The following SMIM7 variants were observed in gnomAD, a reference collection of about 807,000 sequenced individuals.
The protein encoded by SMIM7 is small integral membrane protein 7.
In SMIM7, 12 loss-of-function variants were observed where a neutral mutation model predicts 13.3. The ratio of observed to expected loss-of-function variants is 0.90; its 90% CI spans 0.58 to 1.46. The LOEUF (loss-of-function observed/expected upper bound fraction) is 1.46, where lower values mean the gene tolerates loss of function less well. Among genes scored for constraint, SMIM7 ranks in the 40% most tolerant of loss-of-function variants. The pLI is 0.00. For synonymous variants in SMIM7, 36 were observed against 35.8 expected, an observed-to-expected ratio of 1.01 and a Z score of -0.02; for missense variants, 114 against 94.8, an observed-to-expected ratio of 1.20 and a Z score of -0.84.
intron 4 of SMIM7, among the ~76,000 whole-genome samples, chr19:16,631,973 G>A (rs777671012): frequency 5.3e-5 from 8 of 151,608 alleles, no homozygotes; most frequent in African/African-American, 1.5e-4. Context: ...AGGTTCAAGC[G>A]ATTCTCCTGC....
At chr19:16,659,899 T>C (rs968515300) in intron 2 of SMIM7, 60 bp downstream of exon 2, 59 of 1,558,786 alleles carry the variant, frequency 3.8e-5, no homozygotes, top group Non-Finnish European at 4.5e-5. Flanking sequence ...AGATCACGCT[T>C]ATGAGGGCGG....
intron 3 of SMIM7, among the ~76,000 whole-genome samples, chr19:16,658,026 C>A (rs1359953947): frequency 6.6e-6 from 1 of 152,190 alleles, no homozygotes; most frequent in Non-Finnish European, 1.5e-5. Flanking sequence ...CAGAGCAAGA[C>A]CCTGTCTCTA....
At chr19:16,631,604 G>A (rs1016114227) in exon 5 of SMIM7, 8 of 152,184 alleles carry the variant, frequency 5.3e-5, no homozygotes, top group African/African-American at 1.7e-4. Flanking sequence ...GAGCACTGCA[G>A]AGGAAGCCGT....
chr19:16,635,731 A>T (rs2086353874), intron 4 of SMIM7, among the ~76,000 whole-genome samples: 1 of 151,238 alleles, frequency 6.6e-6, no homozygotes, highest in African/African-American at 2.4e-5. Context: ...GAACGACAAA[A>T]AATTTAGCTG....
chr19:16,641,158 C>T (rs1340998503), downstream of SMIM7: 1 of 152,240 alleles, frequency 6.6e-6, no homozygotes, highest in Non-Finnish European at 1.5e-5. Flanking sequence ...TGGTAAGAGG[C>T]CAAACAGGTG....
At chr19:16,647,680 T>C in intron 4 of SMIM7, among the ~76,000 whole-genome samples, 1 of 151,960 alleles carries the variant, frequency 6.6e-6, no homozygotes, top group Middle Eastern at 3.2e-3. Context: ...GGTTTCGAAC[T>C]CCTGACCTCA....
At chr19:16,644,118 GTTTTTTTTTT>G (rs557600997), downstream of SMIM7, among the ~76,000 whole-genome samples, 5 of 85,430 alleles carry the variant, frequency 5.9e-5, no homozygotes, top group South Asian at 4.0e-4. Context: ...AATTGTTTGC[GTTTTTTTTTT>G]TTTTTTTTTT....
rs545000278 is a variant in SMIM7, at chr19:16,650,546, C to T, written c.213-3285G>A. Among the ~76,000 whole-genome samples the T allele has an allele frequency of 3.9e-5, 6 of 152,098 alleles. No homozygotes were observed. In the South Asian group the frequency reaches 6.2e-4, roughly 16 times the overall value. ...TCAACAGGATGAAATCTCATCTCTA[C>T]CAAAAATAGAAAAATTAGCCAAGTG... On this transcript the variant is annotated intron_variant, in intron 4 of 4. Coordinates refer to ENST00000487416, the MANE Select transcript of SMIM7 (RefSeq NM_024104.4).
At chr19:16,649,070 G>C (rs1157315259) in intron 4 of SMIM7, among the ~76,000 whole-genome samples, 3 of 152,110 alleles carry the variant, frequency 2.0e-5, no homozygotes, top group African/African-American at 7.2e-5. Flanking sequence ...ACAGTCAAAA[G>C]ATTAACGGTA....
At position 16,659,453 on chromosome 19, in the gene SMIM7, A is replaced by T; in HGVS notation, c.69-6T>A. On this transcript the variant is annotated splice_region_variant and splice_polypyrimidine_tract_variant and intron_variant, in intron 2 of 4. Coordinates refer to ENST00000487416, the MANE Select transcript of SMIM7 (RefSeq NM_024104.4). The stretch of plus-strand genomic sequence containing the variant: ...CCTGCGTGTCCTTCTTTTTCCTACA[A>T]AGAGGAGCAGACAGTGTCCACTTTC... 1 of 1,612,494 alleles carries T rather than the reference A, an allele frequency of 6.2e-7. No homozygotes were observed. The highest frequency in any genetic ancestry group is 8.5e-7 in the Non-Finnish European group (1 of 1,179,470).
intron 4 of SMIM7, among the ~76,000 whole-genome samples, chr19:16,649,696 TTCA>T (rs1439797438): frequency 2.0e-5 from 3 of 152,160 alleles, no homozygotes; most frequent in Non-Finnish European, 4.4e-5. Context: ...TGTCACCACT[TTCA>T]TAATAGCTAA....
At chr19:16,633,099 G>A (rs1238361549) in intron 4 of SMIM7, among the ~76,000 whole-genome samples, 1 of 152,152 alleles carries the variant, frequency 6.6e-6, no homozygotes, top group African/African-American at 2.4e-5. Flanking sequence ...GGAGCCTTGT[G>A]GGTGCTACAA....
At chr19:16,652,611 A>C in intron 4 of SMIM7, 1 of 1,275,612 alleles carries the variant, frequency 7.8e-7, no homozygotes, top group Non-Finnish European at 9.9e-7. Flanking sequence ...ATACCTTGGC[A>C]ACAGTCTTCC....
chr19:16,659,739 T>C, intron 2 of SMIM7: 1 of 672,560 alleles, frequency 1.5e-6, no homozygotes, highest in South Asian at 1.8e-5. Context: ...TCCAGGAAGG[T>C]GAACAGAGGG....
At chr19:16,650,971 G>C (rs1019823707) in intron 4 of SMIM7, among the ~76,000 whole-genome samples, 1 of 152,164 alleles carries the variant, frequency 6.6e-6, no homozygotes, top group Non-Finnish European at 1.5e-5. Context: ...CTTTCAGAAC[G>C]TTTCATTTCC....
exon 5 of SMIM7, chr19:16,631,464 A>G (rs2086320960): frequency 6.6e-6 from 1 of 151,890 alleles, no homozygotes; most frequent in South Asian, 2.1e-4. Context: ...TTGCCATGGG[A>G]AAAGGCAAGG....
At chr19:16,659,875 T>TGAG in intron 2 of SMIM7, 84 bp downstream of exon 2, 3 of 1,523,316 alleles carry the variant, frequency 2.0e-6, no homozygotes, top group Non-Finnish European at 2.6e-6. Flanking sequence ...GGGCGGGGCC[T>TGAG]GAGAAGTGCG....
intron 4 of SMIM7, among the ~76,000 whole-genome samples, chr19:16,631,928 G>T (rs562746798): frequency 1.3e-5 from 2 of 150,412 alleles, no homozygotes; most frequent in African/African-American, 4.9e-5. Flanking sequence ...GGAGTGCAGT[G>T]GCGTGATCTT....
At chr19:16,650,807 A>G (rs1397472861) in intron 4 of SMIM7, among the ~76,000 whole-genome samples, 1 of 151,746 alleles carries the variant, frequency 6.6e-6, no homozygotes, top group Non-Finnish European at 1.5e-5. Flanking sequence ...TCACCTCTCT[A>G]CCCCATCTGG....
Sources: gnomAD v4.1 joint callset for allele counts (sites outside exome capture counted in the v4.1 genomes callset) on GRCh38, gnomAD v4.1.1 for gene constraint, MANE v1.5 for transcripts, NCBI Gene and HGNC (gene_info 2026-07-23, HGNC 2026-07-21) for gene names.